KCNIP4: variants seen among roughly 807,000 people sequenced by gnomAD.
The protein encoded by KCNIP4 is potassium voltage-gated channel interacting protein 4.
A neutral mutation model predicts 34.0 loss-of-function variants in KCNIP4; 12 were observed. The ratio of observed to expected loss-of-function variants is 0.35; its 90% CI spans 0.23 to 0.57. The LOEUF (loss-of-function observed/expected upper bound fraction) is 0.57. KCNIP4 is among the 20% of genes least tolerant of loss of function. KCNIP4 has a pLI of 0.83. For synonymous variants in KCNIP4, 124 were observed against 102.2 expected (o/e 1.21, Z -1.29); for missense variants, 238 against 311.7 (o/e 0.76, Z 1.78).
chr4:21,251,676 G>A (rs576589411), intron 1 of KCNIP4, among the ~76,000 whole-genome samples: 51 of 152,122 alleles, frequency 3.4e-4, no homozygotes, highest in Non-Finnish European at 5.3e-4. Flanking sequence ...GGAATACTAC[G>A]CAGCCATAAA....
chr4:20,820,332 T>G (rs1171584223), intron 3 of KCNIP4, among the ~76,000 whole-genome samples: 1 of 152,198 alleles, frequency 6.6e-6, no homozygotes, highest in African/African-American at 2.4e-5. Flanking sequence ...GTCTGTGTCT[T>G]AGTGCTTAGT....
At chr4:21,380,202 G>A (rs1298134949) in intron 1 of KCNIP4, among the ~76,000 whole-genome samples, 1 of 151,948 alleles carries the variant, frequency 6.6e-6, no homozygotes, top group Admixed American at 6.6e-5. Flanking sequence ...ACTCTTGTCT[G>A]GGACATAGAA....
chr4:21,067,760 G>C (rs1278111446), intron 1 of KCNIP4, among the ~76,000 whole-genome samples: 2 of 152,148 alleles, frequency 1.3e-5, no homozygotes, highest in African/African-American at 4.8e-5. Context: ...AGGAAGCTCA[G>C]CACAGAGAGA....
chr4:21,300,261 G>A (rs1711528573), intron 1 of KCNIP4, among the ~76,000 whole-genome samples: 1 of 152,052 alleles, frequency 6.6e-6, no homozygotes, highest in Non-Finnish European at 1.5e-5. Context: ...TGCATTAACA[G>A]AAAACCACTT....
At chr4:21,482,247 A>G (rs545889344) in intron 1 of KCNIP4, among the ~76,000 whole-genome samples, 2 of 152,174 alleles carry the variant, frequency 1.3e-5, no homozygotes, top group East Asian at 1.9e-4. Flanking sequence ...CACACTGATG[A>G]GTCTTGACTC....
intron 1 of KCNIP4, among the ~76,000 whole-genome samples, chr4:21,528,536 G>A (rs558036416): frequency 4.0e-5 from 6 of 151,468 alleles, no homozygotes; most frequent in African/African-American, 7.3e-5. Flanking sequence ...GTGTGGTGGC[G>A]GGCGCCTATA....
chr4:21,642,047 C>A (rs1475827198), intron 1 of KCNIP4, among the ~76,000 whole-genome samples: 2 of 152,208 alleles, frequency 1.3e-5, no homozygotes, highest in African/African-American at 2.4e-5. Context: ...CTTTTCTGCA[C>A]ACGATGTTTC....
chr4:20,850,134 C>T (rs1332968571), intron 3 of KCNIP4, among the ~76,000 whole-genome samples: 1 of 152,194 alleles, frequency 6.6e-6, no homozygotes, highest in Non-Finnish European at 1.5e-5. Context: ...ATAAAAGTTA[C>T]AGTAATTATC....
At chr4:20,814,342 C>T (rs1440328374) in intron 3 of KCNIP4, among the ~76,000 whole-genome samples, 1 of 152,120 alleles carries the variant, frequency 6.6e-6, no homozygotes, top group Non-Finnish European at 1.5e-5. Context: ...CCTTGTCATC[C>T]CTTCATGATG....
chr4:21,093,135 C>A (rs1339941735), intron 1 of KCNIP4, among the ~76,000 whole-genome samples: 1 of 152,122 alleles, frequency 6.6e-6, no homozygotes, highest in Admixed American at 6.6e-5. Context: ...CCTAATAAAA[C>A]CATTAAGGTT....
chr4:20,999,545 T>C (rs990668942), intron 1 of KCNIP4, among the ~76,000 whole-genome samples: 1 of 151,188 alleles, frequency 6.6e-6, no homozygotes, highest in Non-Finnish European at 1.5e-5. Flanking sequence ...CCGTGGTTGC[T>C]GTGTGGACAA....
chr4:20,957,178 G>A (rs1733398368), intron 1 of KCNIP4, among the ~76,000 whole-genome samples: 1 of 152,130 alleles, frequency 6.6e-6, no homozygotes, highest in South Asian at 2.1e-4. Context: ...ACCAAGAACG[G>A]GTACCTCGGT....
chr4:21,123,367 G>A (rs1029882498), intron 1 of KCNIP4, among the ~76,000 whole-genome samples: 7 of 152,140 alleles, frequency 4.6e-5, no homozygotes, highest in African/African-American at 1.7e-4. Flanking sequence ...TCCTCACAGA[G>A]CTTGTGATTT....
At chr4:21,267,650 T>C in intron 1 of KCNIP4, among the ~76,000 whole-genome samples, 1 of 144,172 alleles carries the variant, frequency 6.9e-6, no homozygotes, top group African/African-American at 2.5e-5. Context: ...CTGGATTACA[T>C]TTATTGATTT....
intron 1 of KCNIP4, among the ~76,000 whole-genome samples, chr4:21,304,868 C>T (rs1712268498): frequency 6.6e-6 from 1 of 152,072 alleles, no homozygotes; most frequent in South Asian, 2.1e-4. Context: ...TGCACTACTT[C>T]ATACCATTCA....
rs186890786 is a variant in KCNIP4 at position 21,024,224 on chromosome 4, T to C, written c.62-141515A>G. Among the ~76,000 whole-genome samples, 253 of 152,324 alleles carry C rather than the reference T, an allele frequency of 1.7e-3. 2 individuals carry two copies. Among genetic ancestry groups the C allele is most frequent in the Non-Finnish European group, 3.0e-3 (206 of 68,030 alleles). ...ACCAAGTAAAGTAATGCTTTTTCCC[T>C]TGCGACGTCATTAGCTAGTACAATG... On this transcript the variant is annotated intron_variant, in intron 1 of 8. Transcript: ENST00000382152.
At chr4:21,332,298 T>A (rs1560297833) in intron 1 of KCNIP4, among the ~76,000 whole-genome samples, 1 of 149,980 alleles carries the variant, frequency 6.7e-6, no homozygotes, top group Non-Finnish European at 1.5e-5. Flanking sequence ...ATTCTGATTT[T>A]TTTTTATTGT....
chr4:21,438,286 G>A (rs1727139055), intron 1 of KCNIP4, among the ~76,000 whole-genome samples: 1 of 152,148 alleles, frequency 6.6e-6, no homozygotes, highest in Non-Finnish European at 1.5e-5. Flanking sequence ...GATTCTTAAT[G>A]CGATTTTTAA....
chr4:21,461,547 G>A (rs1415457841), intron 1 of KCNIP4, among the ~76,000 whole-genome samples: 1 of 151,876 alleles, frequency 6.6e-6, no homozygotes, highest in Non-Finnish European at 1.5e-5. Flanking sequence ...GATAATTTGG[G>A]AAGCACCTCC....
Sources: gnomAD v4.1 joint callset for allele counts (sites outside exome capture counted in the v4.1 genomes callset) on GRCh38, gnomAD v4.1.1 for gene constraint, MANE v1.5 for transcripts, NCBI Gene and HGNC (gene_info 2026-07-23, HGNC 2026-07-21) for gene names.